KDM5B: variants seen among roughly 807,000 people sequenced by gnomAD.
KDM5B encodes lysine demethylase 5B.
In KDM5B, 144 loss-of-function variants were observed where a neutral mutation model predicts 193.4. That is an observed-to-expected ratio of 0.74 (90% CI 0.65 to 0.86). The LOEUF (loss-of-function observed/expected upper bound fraction) is 0.86, where lower values mean the gene tolerates loss of function less well. KDM5B is among the 40% of genes least tolerant of loss of function. The pLI is 0.00. For missense variants in KDM5B, 1,833 were observed against 1,886.9 expected (o/e 0.97, Z 0.53); for synonymous variants, 668 against 682.6 (o/e 0.98, Z 0.33).
chr1:202,769,396 G>A (rs1321889843), intron 4 of KDM5B, among the ~76,000 whole-genome samples: 2 of 150,702 alleles, frequency 1.3e-5, no homozygotes, highest in Non-Finnish European at 3.0e-5. Flanking sequence ...TTGGTCAGGT[G>A]CAGTGGCTCA....
At chr1:202,777,369 A>C (rs1030269143) in intron 1 of KDM5B, among the ~76,000 whole-genome samples, 174 of 141,720 alleles carry the variant, frequency 1.2e-3, no homozygotes, top group Non-Finnish European at 1.2e-3. Flanking sequence ...AAAAAAAAAA[A>C]AACACTCATT....
At chr1:202,806,725 T>C (rs1159581878) in intron 1 of KDM5B, 1 of 151,584 alleles carries the variant, frequency 6.6e-6, no homozygotes, top group Non-Finnish European at 1.5e-5. Flanking sequence ...ACATAACGAT[T>C]ACAAACAGAA....
At position 202,779,345 on chromosome 1, in the gene KDM5B, GGCACGCGGCTGTAGTCCCA is replaced by G. The variant is rs1657096596; in HGVS notation, c.205-2270_205-2252del. 3.9e-5 allele frequency among the ~76,000 whole-genome samples: 6 copies of G among 151,968 alleles called. No homozygotes were observed. In the South Asian group the frequency reaches 1.2e-3, roughly 32 times the overall value. On this transcript the variant is annotated intron_variant, in intron 1 of 26. Coordinates refer to ENST00000367265, the MANE Select transcript of KDM5B (RefSeq NM_006618.5). ...ACACAAAAAATTAGCCAGGCGTGGT[GGCACGCGGCTGTAGTCCCA>G]GCTACTCAGGAGGCTGAGGCAGGAA...
chr1:202,757,465 C>T (rs1318905789), intron 9 of KDM5B, among the ~76,000 whole-genome samples: 1 of 152,180 alleles, frequency 6.6e-6, no homozygotes, highest in African/African-American at 2.4e-5. Context: ...GTCTATCCCT[C>T]AATGTCCTCA....
intron 1 of KDM5B, among the ~76,000 whole-genome samples, chr1:202,793,034 T>C (rs1572775688): frequency 6.8e-6 from 1 of 147,564 alleles, no homozygotes; most frequent in African/African-American, 2.5e-5. Flanking sequence ...TAAGGGGAGA[T>C]GAAAGAGAGA....
At chr1:202,732,482 T>C (rs1393985142) in intron 23 of KDM5B, among the ~76,000 whole-genome samples, 1 of 152,190 alleles carries the variant, frequency 6.6e-6, no homozygotes, top group East Asian at 1.9e-4. Context: ...AGAACACCAA[T>C]GACTCCACTT....
Position 202,808,379 on chromosome 1 carries a change from C to T in KDM5B, c.-74G>A. 2 of 1,359,662 alleles carry T rather than the reference C, an allele frequency of 1.5e-6. No homozygotes were observed. Among genetic ancestry groups the T allele is most frequent in the Non-Finnish European group, 2.0e-6 (2 of 1,018,650 alleles). 84.2% of individuals were successfully genotyped at this position (1,359,662 alleles called of 1,614,324 possible). ...GCTGCGAGCTCCGCTCGGTCCGAGA[C>T]CCGTGCAGACGCGGCTCGAGCAACA... On this transcript the variant is annotated 5_prime_UTR_variant, in exon 1 of 27. Coordinates refer to ENST00000367265, the MANE Select transcript of KDM5B (RefSeq NM_006618.5).
Position 202,731,928 on chromosome 1 carries a change from A to T in KDM5B, c.3921T>A (p.Pro1307=). The change falls in exon 24 of 27, where the codon CCT becomes CCA. Residue 1307 remains proline (P), a synonymous_variant. Transcript: ENST00000367265. ...QVSDTNKVSQ[P]PGTTSFSLPD... ...GCAAAGAAAATGATGTTGTGCCAGG[A>T]GGTTGAGATACCTAATGGAGGGAAA... is the stretch of plus-strand genomic sequence containing the variant. 1 of 1,605,322 alleles carries T rather than the reference A, an allele frequency of 6.2e-7. No homozygotes were observed. Among genetic ancestry groups the T allele is most frequent in the Non-Finnish European group, 8.5e-7 (1 of 1,174,316 alleles).
At chr1:202,749,611 C>CTAGGCCT (rs112104139) in intron 13 of KDM5B, among the ~76,000 whole-genome samples, 101,776 of 151,232 alleles carry the variant, frequency 0.67, 36,834 homozygotes, top group Admixed American at 0.82. Flanking sequence ...AGCCTAGGCC[C>CTAGGCCT]TATTTATCTT....
chr1:202,760,643 A>T lies in KDM5B; in HGVS notation c.919-70T>A, dbSNP rs1314589541. 6 of 1,157,754 alleles carry T rather than the reference A, an allele frequency of 5.2e-6. No homozygotes were observed. In the African/African-American group the frequency reaches 6.3e-5, roughly 12 times the overall value. 71.7% of individuals were successfully genotyped at this position (1,157,754 alleles called of 1,614,324 possible). A position where few individuals can be genotyped will look rare whatever the true frequency, so the allele number is the denominator to read the frequency against. On this transcript the variant is annotated intron_variant, in intron 7 of 26. Coordinates refer to ENST00000367265, the MANE Select transcript of KDM5B (RefSeq NM_006618.5). ...TATTTGATTTTCTAAAATTCTAGAA[A>T]TGAAATGGATCTGAGACATAATCTA...
rs190509484 is a variant in KDM5B, at chr1:202,792,606, A to G, written c.204+15496T>C. Among the ~76,000 whole-genome samples the G allele has an allele frequency of 2.6e-4, 40 of 152,326 alleles. 1 individual carries two copies. In the East Asian group the frequency reaches 5.2e-3, roughly 20 times the overall value. Reference sequence around the variant, plus strand: ...AAGTAGATAAAACACACAAATCTAAATGGTACTTTGATAACTGTATACATG... The same window carrying G: ...AAGTAGATAAAACACACAAATCTAAGTGGTACTTTGATAACTGTATACATG... On this transcript the variant is annotated intron_variant, in intron 1 of 26. Coordinates refer to ENST00000367265, the MANE Select transcript of KDM5B (RefSeq NM_006618.5).
intron 1 of KDM5B, among the ~76,000 whole-genome samples, chr1:202,785,097 A>G (rs1657352428): frequency 6.6e-6 from 1 of 152,142 alleles, no homozygotes; most frequent in Non-Finnish European, 1.5e-5. Flanking sequence ...ATTAAATTGT[A>G]AAGTAAAAGT....
At chr1:202,757,275 G>A (rs1268072305) in intron 9 of KDM5B, among the ~76,000 whole-genome samples, 1 of 152,204 alleles carries the variant, frequency 6.6e-6, no homozygotes, top group Non-Finnish European at 1.5e-5. Context: ...GTTCCTAACA[G>A]GCCACCGACT....
In KDM5B at chr1:202,750,631, A is replaced by T. The variant is rs1382030901; in HGVS notation, c.1821+28T>A. 6.9e-6 allele frequency: 11 copies of T among 1,604,792 alleles called. 1 individual carries two copies. In the Admixed American group the frequency reaches 1.7e-4, roughly 25 times the overall value. ...TCCTCAGGAAAAACAATAAATTTGA[A>T]AAGGTTAACTACATTGTAATTACAT... On this transcript the variant is annotated intron_variant, in intron 13 of 26. Coordinates refer to ENST00000367265, the MANE Select transcript of KDM5B (RefSeq NM_006618.5).
At chr1:202,747,013 C>T (rs112593753) in intron 14 of KDM5B, among the ~76,000 whole-genome samples, 2,998 of 152,250 alleles carry the variant, frequency 0.02, 89 homozygotes, top group African/African-American at 0.067. Flanking sequence ...CACCTTTTGT[C>T]ATTTAAAGAC....
Position 202,724,941 on chromosome 1 carries a change from C to T in KDM5B, c.*4095G>A, listed in dbSNP as rs2102197547. ...AAATAGAGAAAATAACTTTTGTTTC[C>T]TCAGAAAGGCAACTTTTTAATTTCT... On this transcript the variant is annotated 3_prime_UTR_variant, in exon 27 of 27. Transcript: ENST00000367265. The T allele has an allele frequency of 6.6e-6, 1 of 152,282 alleles. No homozygotes were observed. The highest frequency in any genetic ancestry group is 2.1e-4 in the South Asian group (1 of 4,828). 9.4% of individuals were successfully genotyped at this position (152,282 alleles called of 1,614,324 possible).
Position 202,753,911 on chromosome 1 carries a change from C to T in KDM5B, c.1539-844G>A, listed in dbSNP as rs186935289. Among the ~76,000 whole-genome samples the T allele has an allele frequency of 3.1e-3, 477 of 152,070 alleles. 3 individuals are homozygous for T. The highest frequency in any genetic ancestry group is 5.2e-3 in the Admixed American group (79 of 15,276). On this transcript the variant is annotated intron_variant, in intron 11 of 26. Coordinates refer to ENST00000367265, the MANE Select transcript of KDM5B (RefSeq NM_006618.5). ...CTCGAACTCCTGACCTCAGGTGAAC[C>T]GCCCGCCTCAGCTTAGTGCTGAGAT...
intron 20 of KDM5B, among the ~76,000 whole-genome samples, chr1:202,739,746 C>T (rs1655234185): frequency 6.6e-6 from 1 of 152,180 alleles, no homozygotes. Flanking sequence ...ATCCATTTAA[C>T]CCTGAGTGGA....
chr1:202,771,886 C>A (rs1407412822), intron 4 of KDM5B, among the ~76,000 whole-genome samples: 1 of 151,958 alleles, frequency 6.6e-6, no homozygotes, highest in East Asian at 1.9e-4. Flanking sequence ...GGCTCACATT[C>A]AACATTCTAA....
Sources: gnomAD v4.1 joint callset for allele counts (sites outside exome capture counted in the v4.1 genomes callset) on GRCh38, gnomAD v4.1.1 for gene constraint, MANE v1.5 for transcripts, NCBI Gene and HGNC (gene_info 2026-07-23, HGNC 2026-07-21) for gene names.